The following CEP162 variants were observed in gnomAD, a reference collection of about 807,000 sequenced individuals.
CEP162 encodes the protein centrosomal protein 162, also known as centrosomal protein of 162 kDa.
Under a neutral mutation model 169.2 loss-of-function variants are expected in CEP162, and 141 were observed. The observed-to-expected ratio is 0.83, with a 90% CI of 0.73 to 0.96. The LOEUF is 0.96. CEP162 is among the 40% of genes least tolerant of loss of function. CEP162 has a pLI of 0.00. For synonymous variants in CEP162, 540 were observed against 526.4 expected (o/e 1.03, Z -0.35); for missense variants, 1,600 against 1,587.2 (o/e 1.01, Z -0.14).
At chr6:84,195,851 C>T (rs2099541922) in intron 9 of CEP162, among the ~76,000 whole-genome samples, 1 of 152,130 alleles carries the variant, frequency 6.6e-6, no homozygotes, top group South Asian at 2.1e-4. Context: ...TCAACTATTA[C>T]CCATATGCTT....
chr6:84,188,161 C>A (rs1209432506), intron 11 of CEP162, among the ~76,000 whole-genome samples: 1 of 149,916 alleles, frequency 6.7e-6, no homozygotes, highest in African/African-American at 2.4e-5. Flanking sequence ...CCCCAAATAT[C>A]CAGAGAACTG....
In CEP162 at chr6:84,176,922, C is replaced by T. The variant is rs56891352; in HGVS notation, c.1664-1575G>A. Reference sequence around the variant, plus strand: ...TTTTTTTTTGAGACAGAGTCTCGCTCTGTTTCCCAGGCTGGAGTGTATTTT... The same window carrying T: ...TTTTTTTTTGAGACAGAGTCTCGCTTTGTTTCCCAGGCTGGAGTGTATTTT... On this transcript the variant is annotated intron_variant, in intron 13 of 26. Coordinates refer to ENST00000403245, the MANE Select transcript of CEP162 (RefSeq NM_014895.4). Among the ~76,000 whole-genome samples, 988 of 151,598 alleles carry T rather than the reference C, an allele frequency of 6.5e-3. 7 individuals are homozygous for T. The highest frequency in any genetic ancestry group is 0.023 in the African/African-American group (939 of 41,330).
At chr6:84,193,489 T>C (rs1238053995) in intron 11 of CEP162, 120 bp downstream of exon 11, 2 of 521,166 alleles carry the variant, frequency 3.8e-6, no homozygotes, top group Non-Finnish European at 3.4e-6. Context: ...AAGAAGAGAG[T>C]TATGACTCAC....
intron 23 of CEP162, among the ~76,000 whole-genome samples, chr6:84,151,072 T>C (rs991113482): frequency 2.6e-5 from 4 of 152,088 alleles, no homozygotes; most frequent in African/African-American, 9.7e-5. Context: ...AGGTAGTACT[T>C]ATAACAAGAA....
In CEP162 at chr6:84,200,855, G is replaced by C; in HGVS notation, c.769C>G (p.Gln257Glu). ...DSVAEVNLDE[Q>E]DKITPKPRCL... ...CTTGGCTTAGGTGTTATTTTATCTT[G>C]TTCATCAAGATTGACCTCTGCAACA... Residue 257 changes from glutamine (Q) to glutamate (E), a missense_variant, in exon 9 of 27, where the codon CAA (glutamine) becomes GAA (glutamate). By Grantham distance (29) the Gln-to-Glu change is conservative (BLOSUM62 2). Coordinates refer to ENST00000403245, the MANE Select transcript of CEP162 (RefSeq NM_014895.4). 6.2e-7 allele frequency: 1 copy of C among 1,612,076 alleles called. No individual in the cohort carries two copies. Among genetic ancestry groups the C allele is most frequent in the African/African-American group, 1.3e-5 (1 of 74,964 alleles).
intron 13 of CEP162, among the ~76,000 whole-genome samples, chr6:84,175,792 A>G (rs984062586): frequency 5.3e-5 from 8 of 152,186 alleles, no homozygotes; most frequent in African/African-American, 1.9e-4. Flanking sequence ...ATTTTTTATA[A>G]ACAATGTATA....
chr6:84,202,583 A>C (rs1311897714), intron 7 of CEP162, among the ~76,000 whole-genome samples: 2 of 124,372 alleles, frequency 1.6e-5, no homozygotes, highest in Non-Finnish European at 3.1e-5. Context: ...GCTGGAGTGC[A>C]GTGGCTCAAT....
intron 3 of CEP162, chr6:84,219,265 G>T (rs2099552726): frequency 5.3e-6 from 4 of 758,116 alleles, no homozygotes; most frequent in Non-Finnish European, 8.0e-6. Flanking sequence ...TTGAATCAGG[G>T]ACCAGGTTAT....
chr6:84,216,583 T>A (rs1200298097), intron 3 of CEP162, among the ~76,000 whole-genome samples: 1 of 152,236 alleles, frequency 6.6e-6, no homozygotes, highest in Non-Finnish European at 1.5e-5. Context: ...TCTCTAAGGC[T>A]AATATATATT....
At chr6:84,204,795 T>A (rs1440922104) in intron 6 of CEP162, among the ~76,000 whole-genome samples, 1 of 151,966 alleles carries the variant, frequency 6.6e-6, no homozygotes, top group African/African-American at 2.4e-5. Context: ...CAGGAGCTGG[T>A]TTTTTGAAAA....
chr6:84,124,840 C>G lies in CEP162; in HGVS notation c.*230G>C. Reference sequence around the variant, plus strand: ...GAGCCCTTCTCTGCTATAAAGGAAACTGTCCATAAATCACTTAAAATGAGA... The same window carrying G: ...GAGCCCTTCTCTGCTATAAAGGAAAGTGTCCATAAATCACTTAAAATGAGA... On this transcript the variant is annotated 3_prime_UTR_variant, in exon 27 of 27. Transcript: ENST00000403245. 1.9e-6 allele frequency: 1 copy of G among 513,982 alleles called. No homozygotes were observed. The highest frequency in any genetic ancestry group is 3.6e-5 in the East Asian group (1 of 28,064). The allele number at this position is 513,982 out of a possible 1,614,324, so 31.8% of individuals were successfully genotyped here.
At chr6:84,176,377 T>C (rs1259332296) in intron 13 of CEP162, among the ~76,000 whole-genome samples, 9 of 152,230 alleles carry the variant, frequency 5.9e-5, no homozygotes, top group Non-Finnish European at 1.3e-4. Context: ...ATTAGACCGA[T>C]GTAAGTTTTC....
chr6:84,141,150 A>C (rs890470820), intron 25 of CEP162, among the ~76,000 whole-genome samples: 1 of 152,182 alleles, frequency 6.6e-6, no homozygotes, highest in African/African-American at 2.4e-5. Context: ...CTAACAGGCC[A>C]TGAACTGGTA....
At chr6:84,183,517 G>C (rs1482026429) in intron 13 of CEP162, among the ~76,000 whole-genome samples, 1 of 151,828 alleles carries the variant, frequency 6.6e-6, no homozygotes, top group Non-Finnish European at 1.5e-5. Context: ...TCTTTGTTTT[G>C]CCACCTCACA....
At chr6:84,176,123 T>C (rs939553791) in intron 13 of CEP162, among the ~76,000 whole-genome samples, 3 of 152,130 alleles carry the variant, frequency 2.0e-5, no homozygotes, top group African/African-American at 7.2e-5. Flanking sequence ...AATATCTGAT[T>C]GCTTTAGAGA....
At chr6:84,154,212 C>T (rs1053975535) in intron 22 of CEP162, among the ~76,000 whole-genome samples, 3 of 151,984 alleles carry the variant, frequency 2.0e-5, no homozygotes, top group Non-Finnish European at 4.4e-5. Context: ...AGTGCAGTAG[C>T]GGGTTGGAGT....
intron 2 of CEP162, among the ~76,000 whole-genome samples, chr6:84,225,534 C>T (rs932325003): frequency 3.9e-5 from 6 of 152,036 alleles, no homozygotes; most frequent in Admixed American, 6.6e-5. Flanking sequence ...GTACACAGAA[C>T]GTGGTATAAC....
At chr6:84,182,088 C>T (rs1300848991) in intron 13 of CEP162, among the ~76,000 whole-genome samples, 1 of 151,826 alleles carries the variant, frequency 6.6e-6, no homozygotes, top group Non-Finnish European at 1.5e-5. Context: ...TTTAAAAGAA[C>T]CTGTAAAGTG....
chr6:84,223,254 A>T lies in CEP162; in HGVS notation c.58-2083T>A, dbSNP rs981266208. 3.9e-5 allele frequency among the ~76,000 whole-genome samples: 6 copies of T among 152,212 alleles called. No homozygotes were observed. The East Asian group carries it at 1.2e-3, about 29-fold the overall frequency. On this transcript the variant is annotated intron_variant, in intron 2 of 26. Transcript: ENST00000403245. ...GGTGGCTCACACCTGTAATCCCAGC[A>T]CTTTGGGAAGCCGAGGTGGGCGGAT...
Sources: gnomAD v4.1 joint callset for allele counts (sites outside exome capture counted in the v4.1 genomes callset) on GRCh38, gnomAD v4.1.1 for gene constraint, MANE v1.5 for transcripts, NCBI Gene and HGNC (gene_info 2026-07-23, HGNC 2026-07-21) for gene names.